The following NBEAL1 variants were observed in gnomAD, a reference collection of about 807,000 sequenced individuals.
NBEAL1 encodes neurobeachin-like protein 1.
NBEAL1 carries 273 observed loss-of-function variants against 351.3 expected under a neutral mutation model. That is an observed-to-expected ratio of 0.78 (90% CI 0.70 to 0.86). The LOEUF (loss-of-function observed/expected upper bound fraction) is 0.86. Ranked by LOEUF, NBEAL1 falls within the 40% of genes least tolerant of loss-of-function variation. The pLI, the probability that NBEAL1 is intolerant of heterozygous loss-of-function variation, is 0.00. For missense variants in NBEAL1, 2,961 were observed against 3,201.3 expected (o/e 0.92, Z 1.81); for synonymous variants, 1,050 against 1,086.4 (o/e 0.97, Z 0.66).
At chr2:203,092,429 G>A (rs2062085477) in intron 10 of NBEAL1, among the ~76,000 whole-genome samples, 1 of 152,026 alleles carries the variant, frequency 6.6e-6, no homozygotes, top group Admixed American at 6.6e-5. Context: ...GCTGGGTGTG[G>A]TGGTGCGCAC....
At chr2:203,057,545 G>C (rs765341395) in intron 6 of NBEAL1, 92 bp downstream of exon 6, 39 of 1,079,316 alleles carry the variant, frequency 3.6e-5, no homozygotes, top group Non-Finnish European at 5.1e-5. Flanking sequence ...AAAGCAATTG[G>C]AAAGAAGTAT....
At chr2:203,140,037 A>G (rs2063327147) in intron 31 of NBEAL1, among the ~76,000 whole-genome samples, 2 of 152,164 alleles carry the variant, frequency 1.3e-5, no homozygotes, top group South Asian at 4.1e-4. Context: ...GTGGTGGCTC[A>G]TGCCTGTAAT....
In NBEAL1 at chr2:203,190,306, G is replaced by A. The variant is rs2065034545; in HGVS notation, c.6838G>A (p.Asp2280Asn). ...TCTGGTTTTAGGAGCTGTGGATCTGGATGCCTTAACAGATGAGAAAGAAAG... is the reference window on the plus strand; with the variant it reads ...TCTGGTTTTAGGAGCTGTGGATCTGAATGCCTTAACAGATGAGAAAGAAAG... ...YCSYEGAVDL[D>N]ALTDEKERKA... Residue 2280 changes from aspartate (D) to asparagine (N), a missense_variant, in exon 46 of 56, where the codon GAT (aspartate) becomes AAT (asparagine). Physicochemically the swap from Asp to Asn is conservative, Grantham distance 23. Transcript: ENST00000683969. The A allele has an allele frequency of 6.2e-7, 1 of 1,609,214 alleles. No individual in the cohort carries two copies. Among genetic ancestry groups the A allele is most frequent in the Non-Finnish European group, 8.5e-7 (1 of 1,178,910 alleles).
chr2:203,110,739 G>A (rs1440871230), intron 15 of NBEAL1, among the ~76,000 whole-genome samples: 3 of 144,304 alleles, frequency 2.1e-5, no homozygotes, highest in African/African-American at 7.6e-5. Flanking sequence ...GATGTCTTAA[G>A]GTTTTCTATA....
rs769138360 is a variant in NBEAL1 at position 203,135,973 on chromosome 2, A to G, written c.4110A>G (p.Thr1370=). 6.2e-7 allele frequency: 1 copy of G among 1,613,884 alleles called. No individual in the cohort carries two copies. The highest frequency in any genetic ancestry group is 1.3e-5 in the African/African-American group (1 of 74,930). ...LEDRHSLDSN[T]PLFPEDSSVG... ...ATAGACACTCTTTAGACTCAAACAC[A>G]CCATTATTTCCAGAAGATAGCTCTG... Residue 1370 remains threonine (T), a synonymous_variant, in exon 28 of 56, where the codon ACA becomes ACG. Transcript: ENST00000683969.
In NBEAL1 at chr2:203,180,644, A is replaced by G. The variant is rs947969554; in HGVS notation, c.6595+132A>G. 6 of 836,864 alleles carry G rather than the reference A, an allele frequency of 7.2e-6. No homozygotes were observed. The East Asian group carries it at 9.7e-5, about 14-fold the overall frequency. The allele number at this position is 836,864 out of a possible 1,614,324, so 51.8% of individuals were successfully genotyped here. Reference sequence around the variant, plus strand: ...TTCTGTCTGTGGATTACTTAGTGACAGGGCTGAACTAATGCTATGAGTCTT... The same window carrying G: ...TTCTGTCTGTGGATTACTTAGTGACGGGGCTGAACTAATGCTATGAGTCTT... On this transcript the variant is annotated intron_variant, in intron 43 of 55. Coordinates refer to ENST00000683969, the MANE Select transcript of NBEAL1 (RefSeq NM_001378026.1).
intron 8 of NBEAL1, among the ~76,000 whole-genome samples, chr2:203,082,884 G>A (rs1168220639): frequency 1.3e-5 from 2 of 152,252 alleles, no homozygotes; most frequent in African/African-American, 4.8e-5. Context: ...TACATTCTAG[G>A]CAGGAAAAGG....
intron 36 of NBEAL1, among the ~76,000 whole-genome samples, chr2:203,163,187 G>T (rs1175153489): frequency 6.6e-6 from 1 of 151,962 alleles, no homozygotes; most frequent in Non-Finnish European, 1.5e-5. Flanking sequence ...AATAAATATA[G>T]ACTTTCTCTT....
In NBEAL1 at chr2:203,218,834, A is replaced by G. The variant is rs567755857; in HGVS notation, c.*1480A>G. 2 of 152,336 alleles carry G rather than the reference A, an allele frequency of 1.3e-5. No homozygotes were observed. The highest frequency in any genetic ancestry group is 6.5e-5 in the Admixed American group (1 of 15,296). The allele number at this position is 152,336 out of a possible 1,614,324, so 9.4% of individuals were successfully genotyped here. A position where few individuals can be genotyped will look rare whatever the true frequency, so the allele number is the denominator to read the frequency against. ...GATTTGATGTGAGTCAGGGCTAATA[A>G]AAAGCTATAGAAGAATTTTCTTTCC... On this transcript the variant is annotated 3_prime_UTR_variant, in exon 56 of 56. Coordinates refer to ENST00000683969, the MANE Select transcript of NBEAL1 (RefSeq NM_001378026.1).
chr2:203,137,346 G>A (rs1314518203), intron 29 of NBEAL1, among the ~76,000 whole-genome samples: 1 of 152,130 alleles, frequency 6.6e-6, no homozygotes, highest in Non-Finnish European at 1.5e-5. Context: ...TGTATTTTAT[G>A]TGTGGCCCAA....
At chr2:203,085,041 G>A (rs1248193314) in intron 10 of NBEAL1, 1 of 155,026 alleles carries the variant, frequency 6.5e-6, no homozygotes, top group Non-Finnish European at 1.5e-5. Context: ...ATTGCTTGGT[G>A]CAAACCTATT....
intron 3 of NBEAL1, among the ~76,000 whole-genome samples, chr2:203,049,309 G>A (rs183398288): frequency 0.014 from 2,129 of 152,134 alleles, 26 homozygotes; most frequent in Middle Eastern, 0.037. Context: ...CACCCACCTC[G>A]GCCTCCAAAA....
intron 2 of NBEAL1, among the ~76,000 whole-genome samples, chr2:203,016,836 G>T (rs1196569796): frequency 6.6e-6 from 1 of 152,178 alleles, no homozygotes; most frequent in African/African-American, 2.4e-5. Flanking sequence ...CTTTGAAATT[G>T]CATCACAAGG....
At chr2:203,119,424 CT>C (rs57126638) in intron 18 of NBEAL1, among the ~76,000 whole-genome samples, 3,037 of 66,496 alleles carry the variant, frequency 0.046, 104 homozygotes, top group Middle Eastern at 0.11. Flanking sequence ...CGGCCTGTTG[CT>C]TTTTTTTTTT....
chr2:203,065,770 C>T (rs911645767), intron 6 of NBEAL1, among the ~76,000 whole-genome samples: 1 of 152,010 alleles, frequency 6.6e-6, no homozygotes, highest in Non-Finnish European at 1.5e-5. Context: ...AAAAAGAAGC[C>T]TGGTTAAATC....
chr2:203,064,301 C>T lies in NBEAL1; in HGVS notation c.516-4092C>T, dbSNP rs546187218. 8.5e-5 allele frequency among the ~76,000 whole-genome samples: 13 copies of T among 152,298 alleles called. No individual in the cohort carries two copies. In the South Asian group the frequency reaches 1.9e-3, roughly 22 times the overall value. On this transcript the variant is annotated intron_variant, in intron 6 of 55. Transcript: ENST00000683969. ...CTCCTGACCTCAGTTGATCCACCTGCCTCAGCCTCCCAAAGTGCTAGGATT... is the reference window on the plus strand; with the variant it reads ...CTCCTGACCTCAGTTGATCCACCTGTCTCAGCCTCCCAAAGTGCTAGGATT...
Position 203,052,627 on chromosome 2 carries a change from G to A in NBEAL1, c.305+2652G>A, listed in dbSNP as rs114634878. On this transcript the variant is annotated intron_variant, in intron 4 of 55. Coordinates refer to ENST00000683969, the MANE Select transcript of NBEAL1 (RefSeq NM_001378026.1). ...TGCTGGAGTGCAGCTGCTTGATAAG[G>A]GCTCATTGCATCCTTGACCTCCTGG... is the stretch of plus-strand genomic sequence containing the variant. 7.1e-3 allele frequency among the ~76,000 whole-genome samples: 1,081 copies of A among 151,970 alleles called. 9 individuals carry two copies. The highest frequency in any genetic ancestry group is 0.025 in the African/African-American group (1,022 of 41,442).
chr2:203,203,318 A>C (rs886844148), intron 51 of NBEAL1, among the ~76,000 whole-genome samples: 2 of 116,312 alleles, frequency 1.7e-5, no homozygotes, highest in Non-Finnish European at 3.8e-5. Context: ...TTTTTTTTTT[A>C]TTGTATTTTT....
At chr2:203,044,006 T>A (rs2061187502) in intron 3 of NBEAL1, among the ~76,000 whole-genome samples, 1 of 152,052 alleles carries the variant, frequency 6.6e-6, no homozygotes, top group Non-Finnish European at 1.5e-5. Context: ...CTGTGTAGAG[T>A]GTCTTGATCA....
Sources: gnomAD v4.1 joint callset for allele counts (sites outside exome capture counted in the v4.1 genomes callset) on GRCh38, gnomAD v4.1.1 for gene constraint, MANE v1.5 for transcripts, NCBI Gene and HGNC (gene_info 2026-07-23, HGNC 2026-07-21) for gene names.